The following EEA1 variants were observed in gnomAD, a reference collection of about 807,000 sequenced individuals.
The protein encoded by EEA1 is early endosome antigen 1, 162kD.
A neutral mutation model predicts 209.2 loss-of-function variants in EEA1; 111 were observed. That is an observed-to-expected ratio of 0.53 (90% CI 0.45 to 0.62). The LOEUF is 0.62. Ranked by LOEUF, EEA1 falls within the 20% of genes least tolerant of loss-of-function variation. EEA1 has a pLI of 0.00. For missense variants in EEA1, 1,343 were observed against 1,530.8 expected, an observed-to-expected ratio of 0.88 and a Z score of 2.05; for synonymous variants, 536 against 540.6, an observed-to-expected ratio of 0.99 and a Z score of 0.12.
intron 9 of EEA1, among the ~76,000 whole-genome samples, chr12:92,848,350 G>A (rs1344050624): frequency 6.6e-6 from 1 of 151,994 alleles, no homozygotes; most frequent in African/African-American, 2.4e-5. Flanking sequence ...GAATGGGTGT[G>A]GTGACTCACA....
intron 20 of EEA1, among the ~76,000 whole-genome samples, chr12:92,799,575 A>G (rs1307179487): frequency 6.6e-6 from 1 of 151,792 alleles, no homozygotes; most frequent in Non-Finnish European, 1.5e-5. Context: ...TCACGAGGTC[A>G]GGAGATCGAG....
chr12:92,811,306 T>A lies in EEA1; in HGVS notation c.2172A>T (p.Lys724Asn). The A allele has an allele frequency of 6.3e-7, 1 of 1,577,466 alleles. No homozygotes were observed. Among genetic ancestry groups the A allele is most frequent in the Non-Finnish European group, 8.6e-7 (1 of 1,165,520 alleles). ...YKEKYLSLEQ[K>N]TEELEGQIKK... ...TAATTTGACCTTCTAGCTCTTCGGT[T>A]TTCTGTTCTAAAGAGAGGTATTTCT... The change falls in exon 17 of 29, where the codon AAA becomes AAT. Residue 724 changes from lysine to asparagine, a missense_variant. Lys to Asn is a moderately conservative substitution (Grantham distance 94). Around this residue, in one of 3 missense-constraint regions of EEA1, gnomAD observed 1,307 missense variants for 1,465.5 expected, o/e 0.89. Transcript: ENST00000322349.
At chr12:92,867,904 G>A (rs996001494) in intron 2 of EEA1, among the ~76,000 whole-genome samples, 2 of 152,096 alleles carry the variant, frequency 1.3e-5, no homozygotes, top group South Asian at 2.1e-4. Flanking sequence ...AATTCAGTAC[G>A]AAAGAATAAA....
At chr12:92,784,963 A>T (rs1401524747) in intron 22 of EEA1, among the ~76,000 whole-genome samples, 1 of 148,778 alleles carries the variant, frequency 6.7e-6, no homozygotes, top group Non-Finnish European at 1.5e-5. Flanking sequence ...TAAACAAATG[A>T]TTTCTGCAGT....
chr12:92,808,769 T>C (rs1875339035), intron 18 of EEA1, among the ~76,000 whole-genome samples: 1 of 152,206 alleles, frequency 6.6e-6, no homozygotes, highest in Admixed American at 6.5e-5. Context: ...CACCATATCA[T>C]TGTTGAAAAG....
At chr12:92,854,775 CAG>C (rs1409583982) in intron 5 of EEA1, among the ~76,000 whole-genome samples, 3 of 152,154 alleles carry the variant, frequency 2.0e-5, no homozygotes, top group African/African-American at 7.2e-5. Context: ...GCCATCTCTC[CAG>C]AGAGACTGCT....
At chr12:92,849,734 G>A (rs763580218) in intron 9 of EEA1, among the ~76,000 whole-genome samples, 2 of 152,072 alleles carry the variant, frequency 1.3e-5, no homozygotes, top group African/African-American at 2.4e-5. Context: ...TTAGACATGG[G>A]TTATCTATAA....
intron 3 of EEA1, chr12:92,859,122 A>T: frequency 8.8e-7 from 1 of 1,141,796 alleles, no homozygotes; most frequent in Non-Finnish European, 1.3e-6. Context: ...AGAGGGAGCT[A>T]CTAGAGATTA....
chr12:92,880,592 A>G (rs1879093747), intron 2 of EEA1, among the ~76,000 whole-genome samples: 1 of 152,104 alleles, frequency 6.6e-6, no homozygotes, highest in South Asian at 2.1e-4. Flanking sequence ...CTCCTGCCTC[A>G]GCCTCGCGAG....
rs536465378 is a variant in EEA1, at chr12:92,849,141, A to C, written c.798+1970T>G. Among the ~76,000 whole-genome samples the C allele has an allele frequency of 7.2e-5, 11 of 152,344 alleles. No homozygotes were observed. In the South Asian group the frequency reaches 1.7e-3, roughly 23 times the overall value. On this transcript the variant is annotated intron_variant, in intron 9 of 28. Coordinates refer to ENST00000322349, the MANE Select transcript of EEA1 (RefSeq NM_003566.4). The stretch of plus-strand genomic sequence containing the variant: ...AGCTGGAATAAGTCAGAGAGGACTC[A>C]ACTTTAAAATACATATTCCTAAAAC...
intron 5 of EEA1, among the ~76,000 whole-genome samples, chr12:92,856,682 A>AT (rs994148749): frequency 4.1e-5 from 6 of 148,108 alleles, no homozygotes; most frequent in Non-Finnish European, 7.4e-5. Context: ...GTTTGAACCT[A>AT]TTTTTTTTAA....
intron 1 of EEA1, among the ~76,000 whole-genome samples, chr12:92,907,530 C>A (rs1247649894): frequency 6.6e-6 from 1 of 152,050 alleles, no homozygotes; most frequent in Admixed American, 6.6e-5. Flanking sequence ...TGAATCTATC[C>A]CCCTTTCTCC....
Position 92,817,118 on chromosome 12 carries a change from C to G in EEA1, c.1729-718G>C, listed in dbSNP as rs889232368. Among the ~76,000 whole-genome samples, 19 of 151,092 alleles carry G rather than the reference C, an allele frequency of 1.3e-4. 1 individual carries two copies. The highest frequency in any genetic ancestry group is 3.5e-4 in the African/African-American group (14 of 40,434). On this transcript the variant is annotated intron_variant, in intron 14 of 28. Transcript: ENST00000322349. ...CCAGTTTCTATTTTCCTCCTCCCCA[C>G]CCTTCTGTGACATTAATTGTACTTA...
chr12:92,835,247 C>A (rs2136695893), intron 10 of EEA1, among the ~76,000 whole-genome samples: 1 of 152,098 alleles, frequency 6.6e-6, no homozygotes, highest in East Asian at 1.9e-4. Flanking sequence ...ACCATGTTCA[C>A]ATACACTGAG....
chr12:92,788,411 A>G (rs1394504550), intron 21 of EEA1, among the ~76,000 whole-genome samples: 1 of 152,172 alleles, frequency 6.6e-6, no homozygotes, highest in Non-Finnish European at 1.5e-5. Flanking sequence ...GGAAACTTGT[A>G]CATGAAAGAA....
chr12:92,772,260 T>G lies in EEA1; in HGVS notation c.*3751A>C, dbSNP rs1873462645. The G allele has an allele frequency of 6.6e-6, 1 of 151,920 alleles. No homozygotes were observed. Among genetic ancestry groups the G allele is most frequent in the African/African-American group, 2.4e-5 (1 of 41,416 alleles). The allele number at this position is 151,920 out of a possible 1,614,324, so 9.4% of individuals were successfully genotyped here. On this transcript the variant is annotated 3_prime_UTR_variant, in exon 29 of 29. Coordinates refer to ENST00000322349, the MANE Select transcript of EEA1 (RefSeq NM_003566.4). ...AATGAAATAAGGGGTTAATTACATA[T>G]TTTTTATATTTGTTTTTAGTTTTGT...
intron 2 of EEA1, among the ~76,000 whole-genome samples, chr12:92,890,769 T>C (rs2136754211): frequency 6.6e-6 from 1 of 152,266 alleles, no homozygotes; most frequent in East Asian, 1.9e-4. Flanking sequence ...AATCTTACTA[T>C]GGTTAAAATA....
At chr12:92,896,642 A>G (rs1223164079) in intron 1 of EEA1, among the ~76,000 whole-genome samples, 1 of 152,120 alleles carries the variant, frequency 6.6e-6, no homozygotes, top group Non-Finnish European at 1.5e-5. Context: ...GTCACTACTA[A>G]AAATACAAAA....
intron 23 of EEA1, among the ~76,000 whole-genome samples, chr12:92,781,508 C>A (rs1031421037): frequency 6.6e-6 from 1 of 152,108 alleles, no homozygotes; most frequent in Non-Finnish European, 1.5e-5. Context: ...TATTAGTAAA[C>A]CAATGCTTTC....
Sources: allele counts gnomAD v4.1 joint callset (sites outside exome capture counted in the v4.1 genomes callset), GRCh38; gene constraint gnomAD v4.1.1; regional missense constraint gnomAD v4.1.1; transcripts MANE v1.5; gene names NCBI Gene and HGNC (gene_info 2026-07-23, HGNC 2026-07-21).